Variants in PSMD14 observed in about 807,000 individuals in gnomAD.
PSMD14 encodes proteasome 26S subunit, non-ATPase 14.
In PSMD14, 7 loss-of-function variants were observed where a neutral mutation model predicts 41.2. The ratio of observed to expected loss-of-function variants is 0.17; its 90% CI spans 0.10 to 0.32. The LOEUF is 0.32. Among genes scored for constraint, PSMD14 ranks in the 10% least tolerant of loss-of-function variants. The probability of loss-of-function intolerance (pLI) is 1.00; values close to 1 mark genes in which losing one functional copy is unlikely to be tolerated. For synonymous variants in PSMD14, 114 were observed against 122.3 expected (o/e 0.93, Z 0.45); for missense variants, 139 against 375.6 (o/e 0.37, Z 5.21).
At chr2:161,394,560 A>G (rs1410232716) in intron 9 of PSMD14, among the ~76,000 whole-genome samples, 1 of 152,176 alleles carries the variant, frequency 6.6e-6, no homozygotes, top group Non-Finnish European at 1.5e-5. Flanking sequence ...CATTCATCAG[A>G]TATTTATTGA....
At chr2:161,364,026 G>A (rs1302453330) in intron 3 of PSMD14, among the ~76,000 whole-genome samples, 1 of 152,192 alleles carries the variant, frequency 6.6e-6, no homozygotes, top group African/African-American at 2.4e-5. Flanking sequence ...CAGATCACAC[G>A]TGGGCTTGGA....
intron 3 of PSMD14, among the ~76,000 whole-genome samples, chr2:161,324,400 C>G (rs1423174674): frequency 6.6e-6 from 1 of 152,064 alleles, no homozygotes; most frequent in African/African-American, 2.4e-5. Context: ...AAAAATTAGA[C>G]CAACTTGGGA....
intron 3 of PSMD14, among the ~76,000 whole-genome samples, chr2:161,348,031 G>A (rs1683068440): frequency 6.6e-6 from 1 of 152,128 alleles, no homozygotes; most frequent in Non-Finnish European, 1.5e-5. Flanking sequence ...ATGGGCAAAA[G>A]ATACAAACAT....
chr2:161,394,710 C>T (rs1683767331), intron 9 of PSMD14, among the ~76,000 whole-genome samples: 1 of 152,068 alleles, frequency 6.6e-6, no homozygotes, highest in African/African-American at 2.4e-5. Flanking sequence ...TCTTTGTAAG[C>T]ATTATACAAG....
rs1015082112 is a variant in PSMD14, at chr2:161,337,374, C to T, written c.48+18501C>T. Among the ~76,000 whole-genome samples the T allele has an allele frequency of 3.3e-5, 5 of 152,128 alleles. No homozygotes were observed. The South Asian group carries it at 1.0e-3, about 31-fold the overall frequency. ...AGTAGTAGTAGCAGCAGCTGTGTGC[C>T]AGACACTATACCAAATGCCTTACAT... On this transcript the variant is annotated intron_variant, in intron 3 of 11. Transcript: ENST00000409682.
At chr2:161,372,923 T>C (rs1310158813) in intron 7 of PSMD14, among the ~76,000 whole-genome samples, 2 of 152,042 alleles carry the variant, frequency 1.3e-5, no homozygotes, top group East Asian at 3.9e-4. Context: ...TTAGGTTTTA[T>C]GATATCTTGA....
At chr2:161,374,683 A>G (rs1172007576) in intron 7 of PSMD14, among the ~76,000 whole-genome samples, 1 of 151,838 alleles carries the variant, frequency 6.6e-6, no homozygotes, top group Non-Finnish European at 1.5e-5. Context: ...CACAGTGGGG[A>G]CCTCCTGCTG....
chr2:161,379,385 C>T (rs1314435226), intron 7 of PSMD14, among the ~76,000 whole-genome samples: 1 of 151,944 alleles, frequency 6.6e-6, no homozygotes, highest in African/African-American at 2.4e-5. Context: ...TATCAAGATT[C>T]TAGGCATATT....
Position 161,379,409 on chromosome 2 carries a change from A to G in PSMD14, c.463-6055A>G, listed in dbSNP as rs776504420. The stretch of plus-strand genomic sequence containing the variant: ...TCTAGGCATATTCAGTCATTTTTAA[A>G]AGAGAGATAATAACCTTCAGTACAA... On this transcript the variant is annotated intron_variant, in intron 7 of 11. Coordinates refer to ENST00000409682, the MANE Select transcript of PSMD14 (RefSeq NM_005805.6). 5.7e-4 allele frequency among the ~76,000 whole-genome samples: 87 copies of G among 152,012 alleles called. 1 individual carries two copies. Among genetic ancestry groups the G allele is most frequent in the Non-Finnish European group, 9.7e-4 (66 of 67,944 alleles).
rs1159997658 is a variant in PSMD14 at position 161,349,474 on chromosome 2, C to CT, written c.49-17998dup. On this transcript the variant is annotated intron_variant, in intron 3 of 11. Transcript: ENST00000409682. ...GATTGAAGAGTTATTTATTGAGCAT[C>CT]TTTTTTGTGTGTGTTTGGTAGTCTT... Among the ~76,000 whole-genome samples, 5 of 152,136 alleles carry CT rather than the reference C, an allele frequency of 3.3e-5. No individual in the cohort carries two copies. The East Asian group carries it at 9.6e-4, about 29-fold the overall frequency.
chr2:161,336,725 G>A (rs920889570), intron 3 of PSMD14, among the ~76,000 whole-genome samples: 25 of 151,956 alleles, frequency 1.6e-4, no homozygotes, highest in Admixed American at 8.5e-4. Flanking sequence ...ACAGGTGTGC[G>A]CCACCATGCC....
At chr2:161,350,374 T>C (rs937406200) in intron 3 of PSMD14, among the ~76,000 whole-genome samples, 1 of 152,220 alleles carries the variant, frequency 6.6e-6, no homozygotes, top group Non-Finnish European at 1.5e-5. Flanking sequence ...GCAATCCTAT[T>C]TGAGGATGAA....
chr2:161,368,431 G>A (rs565928742), intron 5 of PSMD14, among the ~76,000 whole-genome samples: 5 of 151,874 alleles, frequency 3.3e-5, no homozygotes, highest in Admixed American at 6.6e-5. Flanking sequence ...TCCCAGGCAT[G>A]GTATTTTGTT....
At chr2:161,357,779 A>G (rs1683227697) in intron 3 of PSMD14, among the ~76,000 whole-genome samples, 1 of 152,062 alleles carries the variant, frequency 6.6e-6, no homozygotes, top group African/African-American at 2.4e-5. Context: ...AGACGAGACT[A>G]TTTTATGTAG....
intron 3 of PSMD14, among the ~76,000 whole-genome samples, chr2:161,330,477 G>T (rs1285082444): frequency 1.3e-5 from 2 of 152,110 alleles, no homozygotes; most frequent in East Asian, 3.9e-4. Context: ...ATTGCTATTT[G>T]GCACATTGAT....
chr2:161,339,587 C>T (rs1294277499), intron 3 of PSMD14, among the ~76,000 whole-genome samples: 2 of 146,786 alleles, frequency 1.4e-5, no homozygotes, highest in African/African-American at 5.1e-5. Flanking sequence ...ATGAGGAGTA[C>T]ATGAGGTGTG....
At chr2:161,348,432 T>G (rs1683075163) in intron 3 of PSMD14, among the ~76,000 whole-genome samples, 1 of 152,206 alleles carries the variant, frequency 6.6e-6, no homozygotes, top group African/African-American at 2.4e-5. Context: ...GCCGATAGGT[T>G]GTAGTTTGGA....
intron 11 of PSMD14, chr2:161,409,743 G>A (rs921430798): frequency 6.6e-6 from 1 of 152,060 alleles, no homozygotes; most frequent in Non-Finnish European, 1.5e-5. Context: ...AGCAGTAGGG[G>A]CAAAGGTCTG....
chr2:161,396,819 T>TTTTG (rs571559831), intron 10 of PSMD14, among the ~76,000 whole-genome samples: 15 of 151,894 alleles, frequency 9.9e-5, no homozygotes, highest in Non-Finnish European at 1.6e-4. Context: ...TTTGAGGAGT[T>TTTTG]TTTGTTTGTT....
Sources: allele counts gnomAD v4.1 joint callset (sites outside exome capture counted in the v4.1 genomes callset), GRCh38; gene constraint gnomAD v4.1.1; transcripts MANE v1.5; gene names NCBI Gene and HGNC (gene_info 2026-07-23, HGNC 2026-07-21).